KIAA0513: variants seen among roughly 807,000 people sequenced by gnomAD.
KIAA0513 encodes the protein KIAA0513.
In KIAA0513, 39 loss-of-function variants were observed where a neutral mutation model predicts 56.5. That is an observed-to-expected ratio of 0.69 (90% confidence interval 0.53 to 0.90). The LOEUF (loss-of-function observed/expected upper bound fraction) is 0.90, where lower values mean the gene tolerates loss of function less well. Ranked by LOEUF, KIAA0513 falls within the 40% of genes least tolerant of loss-of-function variation. KIAA0513 has a pLI of 0.00. For missense variants in KIAA0513, 591 were observed against 535.2 expected, an observed-to-expected ratio of 1.10 and a Z score of -1.03; for synonymous variants, 268 against 215.6, an observed-to-expected ratio of 1.24 and a Z score of -2.13.
Position 85,067,413 on chromosome 16 carries a change from T to C in KIAA0513, c.329+13T>C. ...TCTTCTCTGGAGGGTAAGGGGCCTG[T>C]GTGGACGAGACAGCCTGGTGTGGCC... On this transcript the variant is annotated intron_variant, in intron 2 of 12. Coordinates refer to ENST00000683363, the MANE Select transcript of KIAA0513 (RefSeq NM_001388359.1). 1.3e-6 allele frequency: 2 copies of C among 1,583,574 alleles called. No homozygotes were observed. The highest frequency in any genetic ancestry group is 1.7e-6 in the Non-Finnish European group (2 of 1,169,780).
intron 1 of KIAA0513, chr16:85,063,793 G>A (rs746925526): frequency 3.3e-5 from 5 of 152,020 alleles, no homozygotes; most frequent in African/African-American, 4.8e-5. Flanking sequence ...ATACATGATT[G>A]TAATTAGAGT....
At chr16:85,071,691 G>A (rs1362252355) in intron 2 of KIAA0513, 92 bp from the exon 3 acceptor site, 61 of 1,052,208 alleles carry the variant, frequency 5.8e-5, no homozygotes, top group Non-Finnish European at 7.9e-5. Flanking sequence ...GGAATATTTC[G>A]TTAGTTCCTT....
intron 10 of KIAA0513, 44 bp from the exon 11 acceptor site, chr16:85,086,600 C>T (rs1383138186): frequency 6.4e-7 from 1 of 1,571,592 alleles, no homozygotes; most frequent in Non-Finnish European, 8.7e-7. Flanking sequence ...GGGGCAAGGA[C>T]AGCACCATCT....
At chr16:85,084,812 C>T (rs1419210675) in intron 10 of KIAA0513, among the ~76,000 whole-genome samples, 2 of 150,956 alleles carry the variant, frequency 1.3e-5, no homozygotes, top group Non-Finnish European at 2.9e-5. Context: ...ATCTGACCGC[C>T]TCGGCCTCCC....
rs1957662488 is a variant in KIAA0513, at chr16:85,077,462, G to C, written c.612G>C (p.Lys204Asn). The C allele has an allele frequency of 1.9e-6, 3 of 1,614,126 alleles. No homozygotes were observed. The highest frequency in any genetic ancestry group is 1.7e-6 in the Non-Finnish European group (2 of 1,180,020). The change falls in exon 6 of 13, where the codon AAG (lysine) becomes AAC (asparagine). Residue 204 changes from lysine (K) to asparagine (N), a missense_variant. By Grantham distance (94) the Lys-to-Asn change is moderately conservative. Coordinates refer to ENST00000683363, the MANE Select transcript of KIAA0513 (RefSeq NM_001388359.1). The stretch of plus-strand genomic sequence containing the variant: ...TGCTGCCCCCGGAGTCCCGGGAGAA[G>C]CCCGCGGGCAGCATCGACTCCTACC... ...PQLLPPESREKPAGSIDSYLK... is the reference protein window; with the variant it reads ...PQLLPPESRENPAGSIDSYLK...
chr16:85,044,710 G>C (rs2073148470), intron 1 of KIAA0513, among the ~76,000 whole-genome samples: 1 of 151,782 alleles, frequency 6.6e-6, no homozygotes, highest in Non-Finnish European at 1.5e-5. Flanking sequence ...GTTTCACCAT[G>C]TTGGCCAGGC....
rs535876191 is a variant in KIAA0513 at position 85,060,535 on chromosome 16, C to T, written c.-172-6365C>T. The stretch of plus-strand genomic sequence containing the variant: ...GGCTGGGGTTAGGTGATGTTTCCAC[C>T]TTACAGTTGAAATGAAGGTCAGGCC... On this transcript the variant is annotated intron_variant, in intron 1 of 12. Coordinates refer to ENST00000683363, the MANE Select transcript of KIAA0513 (RefSeq NM_001388359.1). Among the ~76,000 whole-genome samples, 59 of 152,256 alleles carry T rather than the reference C, an allele frequency of 3.9e-4. No individual in the cohort carries two copies. The South Asian group carries it at 8.5e-3, about 22-fold the overall frequency.
intron 2 of KIAA0513, among the ~76,000 whole-genome samples, chr16:85,068,122 T>C (rs1351982212): frequency 6.6e-6 from 1 of 151,852 alleles, no homozygotes; most frequent in African/African-American, 2.4e-5. Context: ...AGCTCTGTTA[T>C]TTTCCAGTGC....
At position 85,067,054 on chromosome 16, in the gene KIAA0513, C is replaced by T. The variant is rs1473769168; in HGVS notation, c.-18C>T. On this transcript the variant is annotated 5_prime_UTR_variant, in exon 2 of 13. Transcript: ENST00000683363. ...CAGCCTCCCCTCCAGGCAGCCTCAC[C>T]AGCAGCTCCCCTGAGCCATGGAGAC... 1 of 1,527,936 alleles carries T rather than the reference C, an allele frequency of 6.5e-7. No individual in the cohort carries two copies. Among genetic ancestry groups the T allele is most frequent in the African/African-American group, 1.4e-5 (1 of 72,628 alleles). 94.6% of individuals were successfully genotyped at this position (1,527,936 alleles called of 1,614,324 possible).
Position 85,071,963 on chromosome 16 carries a change from T to C in KIAA0513, c.429+81T>C, listed in dbSNP as rs548991663. On this transcript the variant is annotated intron_variant, in intron 3 of 12. Transcript: ENST00000683363. ...AAGCATAACAAATTTGACTTTATCC[T>C]ACAATGACACTCTGGAGAAAAGAGT... 1.1e-4 allele frequency: 104 copies of C among 924,844 alleles called. 1 individual carries two copies. In the Middle Eastern group the frequency reaches 2.0e-3, roughly 17 times the overall value. The allele number at this position is 924,844 out of a possible 1,614,324, so 57.3% of individuals were successfully genotyped here.
intron 10 of KIAA0513, among the ~76,000 whole-genome samples, chr16:85,083,316 C>T (rs2073770370): frequency 6.6e-6 from 1 of 152,164 alleles, no homozygotes; most frequent in Non-Finnish European, 1.5e-5. Flanking sequence ...TAAATAGAGT[C>T]CCTGAGACGA....
At chr16:85,038,769 T>C (rs2073068920) in intron 1 of KIAA0513, among the ~76,000 whole-genome samples, 1 of 151,436 alleles carries the variant, frequency 6.6e-6, no homozygotes, top group Non-Finnish European at 1.5e-5. Context: ...TAACTCAATG[T>C]ATCCAAAATA....
At position 85,088,809 on chromosome 16, in the gene KIAA0513, G is replaced by T. The variant is rs3751755; in HGVS notation, c.*484G>T. 15,271 of 159,428 alleles carry T rather than the reference G, an allele frequency of 0.096. 1,089 individuals are homozygous for T. The highest frequency in any genetic ancestry group is 0.2 in the Admixed American group (3,256 of 16,154). The allele number at this position is 159,428 out of a possible 1,614,324, so 9.9% of individuals were successfully genotyped here. ...TGGGTGCACACGCGGCTCCCATCCAGCCCTCTCAGCGTGGGGCTGTGGCTG... is the reference window on the plus strand; with the variant it reads ...TGGGTGCACACGCGGCTCCCATCCATCCCTCTCAGCGTGGGGCTGTGGCTG... On this transcript the variant is annotated 3_prime_UTR_variant, in exon 13 of 13. Transcript: ENST00000683363.
At chr16:85,072,797 G>A in intron 3 of KIAA0513, 128 bp from the exon 4 acceptor site, 2 of 870,858 alleles carry the variant, frequency 2.3e-6, no homozygotes, top group Non-Finnish European at 3.7e-6. Context: ...TAGTGCAGAG[G>A]CAGCAGACAT....
At chr16:85,056,264 TC>T (rs1399224190) in intron 1 of KIAA0513, among the ~76,000 whole-genome samples, 1 of 152,188 alleles carries the variant, frequency 6.6e-6, no homozygotes. Context: ...CACCCTTTGC[TC>T]CTTCCCATCA....
intron 1 of KIAA0513, among the ~76,000 whole-genome samples, chr16:85,037,909 G>A (rs192407535): frequency 3.7e-4 from 56 of 152,306 alleles, no homozygotes; most frequent in African/African-American, 1.3e-3. Context: ...GAGGCTGCAC[G>A]TCCTACCTGT....
intron 1 of KIAA0513, among the ~76,000 whole-genome samples, chr16:85,037,706 A>C (rs1344340605): frequency 1.3e-5 from 2 of 152,218 alleles, no homozygotes; most frequent in African/African-American, 2.4e-5. Context: ...CCCAATTTGG[A>C]TAATAAAAAA....
chr16:85,035,429 C>T (rs1597587556), intron 1 of KIAA0513, among the ~76,000 whole-genome samples: 1 of 152,230 alleles, frequency 6.6e-6, no homozygotes, highest in African/African-American at 2.4e-5. Context: ...AAGGCTTTAA[C>T]CTCAAGTCTT....
At chr16:85,080,017 C>T (rs1405429594) in intron 8 of KIAA0513, among the ~76,000 whole-genome samples, 1 of 152,200 alleles carries the variant, frequency 6.6e-6, no homozygotes, top group African/African-American at 2.4e-5. Context: ...CCCTGAAGAT[C>T]ACAGTTGGCT....
Sources: gnomAD v4.1 joint callset for allele counts (sites outside exome capture counted in the v4.1 genomes callset) on GRCh38, gnomAD v4.1.1 for gene constraint, MANE v1.5 for transcripts, NCBI Gene and HGNC (gene_info 2026-07-23, HGNC 2026-07-21) for gene names.